Variants in ABI2 observed in about 807,000 individuals in gnomAD.
ABI2 encodes abelson interactor 2.
ABI2 carries 25 observed loss-of-function variants against 59.2 expected under a neutral mutation model. The ratio of observed to expected loss-of-function variants is 0.42; its 90% CI spans 0.31 to 0.59. ABI2 has a LOEUF of 0.59. Among genes scored for constraint, ABI2 ranks in the 20% least tolerant of loss-of-function variants. The pLI, the probability that ABI2 is intolerant of heterozygous loss-of-function variation, is 0.14. For missense variants in ABI2, 545 were observed against 681.8 expected (o/e 0.80, Z 2.23); for synonymous variants, 213 against 235.5 (o/e 0.90, Z 0.87).
At chr2:203,345,918 G>A (rs889760647) in intron 1 of ABI2, among the ~76,000 whole-genome samples, 23 of 151,630 alleles carry the variant, frequency 1.5e-4, no homozygotes, top group African/African-American at 5.3e-4. Flanking sequence ...GGTGGCTCAC[G>A]CCTGTAATCC....
chr2:203,389,078 G>T (rs1166056090), intron 4 of ABI2, among the ~76,000 whole-genome samples: 1 of 152,088 alleles, frequency 6.6e-6, no homozygotes, highest in African/African-American at 2.4e-5. Context: ...ATTAAGATAT[G>T]CAGTTTTAAA....
At chr2:203,391,769 C>T (rs911809213) in intron 5 of ABI2, among the ~76,000 whole-genome samples, 4 of 147,252 alleles carry the variant, frequency 2.7e-5, no homozygotes, top group African/African-American at 5.1e-5. Context: ...TGCAGTGAGC[C>T]GTGATCATGC....
At chr2:203,424,788 T>C (rs2098368068) in intron 11 of ABI2, among the ~76,000 whole-genome samples, 1 of 152,250 alleles carries the variant, frequency 6.6e-6, no homozygotes, top group Non-Finnish European at 1.5e-5. Context: ...AAGAAAAAGC[T>C]GAACAGTTGT....
At chr2:203,342,645 T>C (rs1031964250) in intron 1 of ABI2, among the ~76,000 whole-genome samples, 4 of 151,936 alleles carry the variant, frequency 2.6e-5, no homozygotes, top group Non-Finnish European at 4.4e-5. Flanking sequence ...AGTGGCGTGA[T>C]CTCAGCTCAC....
At chr2:203,350,782 C>T (rs2087555764) in intron 1 of ABI2, among the ~76,000 whole-genome samples, 1 of 151,974 alleles carries the variant, frequency 6.6e-6, no homozygotes. Flanking sequence ...TCATGATCCA[C>T]CCGCCTCGGC....
intron 11 of ABI2, among the ~76,000 whole-genome samples, chr2:203,426,719 G>A (rs1315497450): frequency 6.7e-6 from 1 of 149,400 alleles, no homozygotes. Context: ...CATTAGTCTG[G>A]TTTCTCACTT....
chr2:203,413,965 C>T (rs1223384789), intron 10 of ABI2, among the ~76,000 whole-genome samples: 2 of 152,146 alleles, frequency 1.3e-5, no homozygotes, highest in Non-Finnish European at 2.9e-5. Flanking sequence ...CTGTGGCTCA[C>T]CATGGCTCTT....
At chr2:203,368,492 A>C (rs995717730) in intron 2 of ABI2, among the ~76,000 whole-genome samples, 1 of 152,156 alleles carries the variant, frequency 6.6e-6, no homozygotes, top group Non-Finnish European at 1.5e-5. Context: ...ACCATCTTTG[A>C]GAGTCTAAAG....
chr2:203,355,828 T>TA (rs1559201882), intron 1 of ABI2, among the ~76,000 whole-genome samples: 4 of 43,318 alleles, frequency 9.2e-5, no homozygotes, highest in East Asian at 9.4e-4. Flanking sequence ...CAAAACTGTC[T>TA]CAAAAAAAAA....
chr2:203,403,742 GTTTTTTTTTTT>G (rs56123341), intron 9 of ABI2, among the ~76,000 whole-genome samples: 1 of 95,304 alleles, frequency 1.0e-5, no homozygotes, highest in East Asian at 3.0e-4. Flanking sequence ...CTTTCTTTCT[GTTTTTTTTTTT>G]TTTTTTTTTT....
At position 203,382,188 on chromosome 2, in the gene ABI2, G is replaced by A. The variant is rs2096178217; in HGVS notation, c.463-1G>A. ...TTTATTTGCTCCATTTATGCATTAA[G>A]TGGTTGCTTAGATTTAAGGTAAGAG... On this transcript the variant is annotated splice_acceptor_variant, in intron 3 of 11. Transcript: ENST00000261018. LOFTEE classifies it high-confidence loss of function. 2 of 1,526,936 alleles carry A rather than the reference G, an allele frequency of 1.3e-6. No homozygotes were observed. Among genetic ancestry groups the A allele is most frequent in the Non-Finnish European group, 1.7e-6 (2 of 1,142,948 alleles). The allele number at this position is 1,526,936 out of a possible 1,614,324, so 94.6% of individuals were successfully genotyped here. A position where few individuals can be genotyped will look rare whatever the true frequency, so the allele number is the denominator to read the frequency against.
intron 4 of ABI2, among the ~76,000 whole-genome samples, chr2:203,386,838 C>G (rs930149124): frequency 4.6e-5 from 7 of 151,742 alleles, no homozygotes; most frequent in African/African-American, 1.7e-4. Flanking sequence ...AGGGTTTTGC[C>G]ATGTTGGCCA....
At chr2:203,382,566 A>G (rs987822419) in intron 4 of ABI2, among the ~76,000 whole-genome samples, 5 of 152,246 alleles carry the variant, frequency 3.3e-5, no homozygotes, top group African/African-American at 9.6e-5. Context: ...CTGGATTTTT[A>G]TAAATATAGA....
chr2:203,345,477 C>T (rs1449623488), intron 1 of ABI2, among the ~76,000 whole-genome samples: 2 of 152,194 alleles, frequency 1.3e-5, no homozygotes, highest in Non-Finnish European at 2.9e-5. Flanking sequence ...CGGACACAAT[C>T]TTAGCTCACT....
intron 1 of ABI2, among the ~76,000 whole-genome samples, chr2:203,344,929 A>G (rs566335433): frequency 2.0e-5 from 3 of 151,972 alleles, no homozygotes; most frequent in Non-Finnish European, 4.4e-5. Flanking sequence ...GCTCTGTAAA[A>G]TGGACCAACC....
intron 9 of ABI2, among the ~76,000 whole-genome samples, chr2:203,410,968 T>A (rs1305486078): frequency 6.6e-6 from 1 of 150,530 alleles, no homozygotes; most frequent in Non-Finnish European, 1.5e-5. Context: ...AATATATATA[T>A]AAAACATGAT....
At chr2:203,404,144 G>A (rs188272412) in intron 9 of ABI2, among the ~76,000 whole-genome samples, 25 of 152,182 alleles carry the variant, frequency 1.6e-4, no homozygotes, top group African/African-American at 4.1e-4. Context: ...AGGGGAAGGC[G>A]GATGAAAAGA....
intron 1 of ABI2, among the ~76,000 whole-genome samples, chr2:203,349,681 A>C (rs967758042): frequency 3.3e-5 from 5 of 150,314 alleles, no homozygotes; most frequent in Admixed American, 6.6e-5. Context: ...GTGGGATTAC[A>C]GGTGTGAGCC....
chr2:203,419,868 A>T (rs879621439), intron 11 of ABI2, among the ~76,000 whole-genome samples: 1 of 152,034 alleles, frequency 6.6e-6, no homozygotes, highest in Non-Finnish European at 1.5e-5. Context: ...CATGCCTGTA[A>T]TCCCAACTAC....
Sources: allele counts gnomAD v4.1 joint callset (sites outside exome capture counted in the v4.1 genomes callset), GRCh38; gene constraint gnomAD v4.1.1; transcripts MANE v1.5; gene names NCBI Gene and HGNC (gene_info 2026-07-23, HGNC 2026-07-21).